The following PTPRO variants were observed in gnomAD, a reference collection of about 807,000 sequenced individuals.
PTPRO encodes receptor-type tyrosine-protein phosphatase O.
PTPRO carries 62 observed loss-of-function variants against 145.2 expected under a neutral mutation model. The ratio of observed to expected loss-of-function variants is 0.43; its 90% CI spans 0.35 to 0.53. PTPRO has a LOEUF of 0.53. Among genes scored for constraint, PTPRO ranks in the 20% least tolerant of loss-of-function variants. The pLI is 0.01. For synonymous variants in PTPRO, 565 were observed against 514.7 expected (o/e 1.10, Z -1.32); for missense variants, 1,345 against 1,482.7 (o/e 0.91, Z 1.53).
Position 15,322,819 on chromosome 12 carries a change from C to G in PTPRO, c.75+18C>G. On this transcript the variant is annotated intron_variant, in intron 1 of 26. Transcript: ENST00000281171. The surrounding 1 kb of genome is among the most constrained non-coding windows in gnomAD (Gnocchi z 6.3). ...TGTTCAAGGTAGGGGAGCTCCTCCA[C>G]CCCTTTTTCCCAGCGGTCCGGGCGG... The G allele has an allele frequency of 6.2e-7, 1 of 1,608,704 alleles. No individual in the cohort carries two copies. The highest frequency in any genetic ancestry group is 2.2e-5 in the East Asian group (1 of 44,590).
At chr12:15,591,886 T>A (rs1212804693) in intron 25 of PTPRO, among the ~76,000 whole-genome samples, 1 of 151,746 alleles carries the variant, frequency 6.6e-6, no homozygotes, top group Non-Finnish European at 1.5e-5. Context: ...ATAAAATAAT[T>A]AATTAAAATT....
intron 1 of PTPRO, among the ~76,000 whole-genome samples, chr12:15,350,955 G>A (rs753448394): frequency 2.6e-5 from 4 of 152,172 alleles, no homozygotes; most frequent in Non-Finnish European, 5.9e-5. Context: ...TAGAAGAAGA[G>A]TTCTTGATTT....
intron 17 of PTPRO, among the ~76,000 whole-genome samples, chr12:15,564,657 C>T (rs1251278127): frequency 6.6e-6 from 1 of 152,126 alleles, no homozygotes; most frequent in African/African-American, 2.4e-5. Context: ...TATTTGGACA[C>T]ATTAAAGTAC....
chr12:15,326,714 C>G (rs1270875893), intron 1 of PTPRO, among the ~76,000 whole-genome samples: 1 of 152,128 alleles, frequency 6.6e-6, no homozygotes, highest in Non-Finnish European at 1.5e-5. Context: ...ACAGTTGATG[C>G]ACTTAAGTAA....
intron 5 of PTPRO, 152 bp downstream of exon 5, chr12:15,502,215 A>T: frequency 1.2e-6 from 1 of 800,326 alleles, no homozygotes; most frequent in Non-Finnish European, 2.0e-6. Context: ...TGAGTATCCA[A>T]TGCAGACTGA....
intron 6 of PTPRO, among the ~76,000 whole-genome samples, chr12:15,507,107 T>C (rs1005828061): frequency 2.6e-5 from 4 of 152,086 alleles, no homozygotes; most frequent in African/African-American, 9.7e-5. Flanking sequence ...ACTTATTTCA[T>C]TGGCTTGTTA....
Position 15,596,667 on chromosome 12 carries a change from G to A in PTPRO, c.*594G>A, listed in dbSNP as rs546667704. 1 of 152,372 alleles carries A rather than the reference G, an allele frequency of 6.6e-6. No homozygotes were observed. Among genetic ancestry groups the A allele is most frequent in the Non-Finnish European group, 1.5e-5 (1 of 68,030 alleles). 9.4% of individuals were successfully genotyped at this position (152,372 alleles called of 1,614,324 possible). ...TTGGGGAGGTTGGTCAGGGAAGAGA[G>A]GGGTTCTACCCACAGATCAACTGTG... On this transcript the variant is annotated 3_prime_UTR_variant, in exon 27 of 27. Transcript: ENST00000281171.
rs1175876297 is a variant in PTPRO at position 15,399,269 on chromosome 12, C to A, written c.75+76468C>A. Among the ~76,000 whole-genome samples, 3 of 152,302 alleles carry A rather than the reference C, an allele frequency of 2.0e-5. No homozygotes were observed. In the East Asian group the frequency reaches 5.8e-4, roughly 29 times the overall value. ...TTCCCTGCCAAGGCACTATTCTGAGCTTTTTACATATATTAACATATGTAG... is the reference window on the plus strand; with the variant it reads ...TTCCCTGCCAAGGCACTATTCTGAGATTTTTACATATATTAACATATGTAG... On this transcript the variant is annotated intron_variant, in intron 1 of 26. Transcript: ENST00000281171.
chr12:15,580,853 T>C, intron 22 of PTPRO, 22 bp downstream of exon 22: 1 of 1,613,656 alleles, frequency 6.2e-7, no homozygotes, highest in Non-Finnish European at 8.5e-7. Flanking sequence ...CTGAAACTGC[T>C]CCCACTTAGC....
At chr12:15,356,332 C>A (rs897671723) in intron 1 of PTPRO, among the ~76,000 whole-genome samples, 7 of 152,134 alleles carry the variant, frequency 4.6e-5, no homozygotes, top group Non-Finnish European at 1.5e-5. Flanking sequence ...TAAATTATTT[C>A]TCCCAATTTT....
At chr12:15,538,644 C>A (rs1943116538) in intron 12 of PTPRO, among the ~76,000 whole-genome samples, 1 of 152,248 alleles carries the variant, frequency 6.6e-6, no homozygotes, top group Admixed American at 6.5e-5. Context: ...AGGGCAATGA[C>A]TGTGAAGTCT....
chr12:15,486,624 T>C (rs368794573), intron 2 of PTPRO, among the ~76,000 whole-genome samples: 2 of 152,116 alleles, frequency 1.3e-5, no homozygotes, highest in East Asian at 3.8e-4. Flanking sequence ...TTAATTTTAA[T>C]ATCATGGTTT....
intron 1 of PTPRO, among the ~76,000 whole-genome samples, chr12:15,475,262 T>C (rs1292956920): frequency 6.6e-6 from 1 of 152,236 alleles, no homozygotes; most frequent in South Asian, 2.1e-4. Flanking sequence ...TATGAACTTA[T>C]TGTTTTCTGA....
At chr12:15,528,774 G>A (rs1298366426) in intron 12 of PTPRO, among the ~76,000 whole-genome samples, 1 of 152,002 alleles carries the variant, frequency 6.6e-6, no homozygotes, top group Non-Finnish European at 1.5e-5. Flanking sequence ...GATCCTGAAA[G>A]CATCAAGAGA....
intron 1 of PTPRO, among the ~76,000 whole-genome samples, chr12:15,402,372 G>A (rs990996586): frequency 6.6e-6 from 1 of 151,492 alleles, no homozygotes; most frequent in African/African-American, 2.4e-5. Flanking sequence ...TGGAGACAGA[G>A]CAAGACTCCA....
intron 1 of PTPRO, among the ~76,000 whole-genome samples, chr12:15,465,042 A>G (rs1458497848): frequency 2.0e-5 from 3 of 152,368 alleles, no homozygotes; most frequent in East Asian, 1.9e-4. Context: ...TCAATATGTC[A>G]AGTAAAAGTA....
intron 17 of PTPRO, among the ~76,000 whole-genome samples, chr12:15,561,181 A>G (rs1943763990): frequency 6.6e-6 from 1 of 152,132 alleles, no homozygotes; most frequent in Non-Finnish European, 1.5e-5. Context: ...AGACAGATCC[A>G]TAAATGTGGA....
At chr12:15,497,491 G>C (rs1434943306) in intron 3 of PTPRO, 88 bp downstream of exon 3, 10 of 1,384,010 alleles carry the variant, frequency 7.2e-6, no homozygotes, top group Non-Finnish European at 9.2e-6. Context: ...ACTGCAAAGA[G>C]GTTTTATAAT....
intron 1 of PTPRO, among the ~76,000 whole-genome samples, chr12:15,480,587 T>G (rs1211279452): frequency 6.6e-6 from 1 of 152,186 alleles, no homozygotes; most frequent in African/African-American, 2.4e-5. Context: ...GATTACCTAC[T>G]CACTTTCCAT....
Sources: gnomAD v4.1 joint callset for allele counts (sites outside exome capture counted in the v4.1 genomes callset) on GRCh38, gnomAD v4.1.1 for gene constraint, Gnocchi (gnomAD v3.1) non-coding constraint, MANE v1.5 for transcripts, NCBI Gene and HGNC (gene_info 2026-07-23, HGNC 2026-07-21) for gene names.